The following UBE2E3 variants were observed in gnomAD, a reference collection of about 807,000 sequenced individuals.
UBE2E3 encodes the protein ubiquitin conjugating enzyme E2 E3, also known as ubiquitin-conjugating enzyme E2 E3.
In UBE2E3, 5 loss-of-function variants were observed where a neutral mutation model predicts 23.6. The ratio of observed to expected loss-of-function variants is 0.21; its 90% confidence interval spans 0.11 to 0.44. The LOEUF (loss-of-function observed/expected upper bound fraction) is 0.44, where lower values mean the gene tolerates loss of function less well. Among genes scored for constraint, UBE2E3 ranks in the 20% least tolerant of loss-of-function variants. The pLI is 0.99. For synonymous variants in UBE2E3, 78 were observed against 87.5 expected, an observed-to-expected ratio of 0.89 and a Z score of 0.60; for missense variants, 81 against 249.8, an observed-to-expected ratio of 0.32 and a Z score of 4.55.
chr2:180,994,753 C>T (rs1258244471), intron 3 of UBE2E3, among the ~76,000 whole-genome samples: 2 of 151,896 alleles, frequency 1.3e-5, no homozygotes, highest in Non-Finnish European at 2.9e-5. Flanking sequence ...AATGGTGTAG[C>T]CTAGAAATAG....
At chr2:181,062,173 T>TA (rs1321933709) in intron 5 of UBE2E3, among the ~76,000 whole-genome samples, 5 of 150,722 alleles carry the variant, frequency 3.3e-5, no homozygotes, top group African/African-American at 1.2e-4. Context: ...GGAAGGAAGA[T>TA]AGTTTTTTTT....
intron 3 of UBE2E3, among the ~76,000 whole-genome samples, chr2:181,004,648 G>A (rs907440484): frequency 6.6e-6 from 1 of 151,948 alleles, no homozygotes; most frequent in African/African-American, 2.4e-5. Flanking sequence ...AAAAAGAATT[G>A]CGTTAAGTAA....
Position 181,062,852 on chromosome 2 carries a change from G to A in UBE2E3, c.588G>A (p.Arg196=). 6.2e-7 allele frequency: 1 copy of A among 1,608,578 alleles called. No homozygotes were observed. Among genetic ancestry groups the A allele is most frequent in the African/African-American group, 1.3e-5 (1 of 74,602 alleles). The stretch of plus-strand genomic sequence containing the variant: ...TGACCAACAGAGCAGAACACGACAG[G>A]ATAGCCAGACAGTGGACCAAGAGAT... ...QYLTNRAEHD[R]IARQWTKRYA... is the part of the protein sequence containing the mutation. The change falls in exon 6 of 6, where the codon AGG becomes AGA. Residue 196 remains arginine (R), a synonymous_variant. Transcript: ENST00000410062.
chr2:181,019,341 G>T (rs907071567), intron 3 of UBE2E3, among the ~76,000 whole-genome samples: 29 of 152,308 alleles, frequency 1.9e-4, no homozygotes, highest in African/African-American at 7.0e-4. Context: ...TTCAGCCGGT[G>T]CTCAAAATGT....
chr2:181,006,825 C>G (rs1354314036), intron 3 of UBE2E3, among the ~76,000 whole-genome samples: 2 of 152,130 alleles, frequency 1.3e-5, no homozygotes, highest in Non-Finnish European at 2.9e-5. Context: ...TCCTCTGATA[C>G]TTCAGAGAAG....
At chr2:181,008,541 C>T (rs1244625206) in intron 3 of UBE2E3, among the ~76,000 whole-genome samples, 1 of 152,196 alleles carries the variant, frequency 6.6e-6, no homozygotes, top group Non-Finnish European at 1.5e-5. Flanking sequence ...TGGATATATA[C>T]AGCAGTCCTG....
intron 3 of UBE2E3, among the ~76,000 whole-genome samples, chr2:181,040,938 C>T (rs1686471809): frequency 6.6e-6 from 1 of 152,044 alleles, no homozygotes; most frequent in African/African-American, 2.4e-5. Context: ...TGCTTCAGCA[C>T]ATTTCCTTTT....
At chr2:181,006,032 G>A (rs184634780) in intron 3 of UBE2E3, among the ~76,000 whole-genome samples, 34 of 152,280 alleles carry the variant, frequency 2.2e-4, no homozygotes, top group Non-Finnish European at 4.9e-4. Flanking sequence ...CTAAGGACTG[G>A]GAGGCTGTCA....
chr2:181,029,997 C>G (rs1196219316), intron 3 of UBE2E3, among the ~76,000 whole-genome samples: 1 of 151,886 alleles, frequency 6.6e-6, no homozygotes, highest in Non-Finnish European at 1.5e-5. Context: ...CCATGCCTGG[C>G]TAATTTTTGT....
intron 3 of UBE2E3, among the ~76,000 whole-genome samples, chr2:180,992,374 C>T (rs546952152): frequency 3.1e-4 from 47 of 152,198 alleles, no homozygotes; most frequent in African/African-American, 1.0e-3. Flanking sequence ...TTTTGCCTTG[C>T]ATTATTTAAG....
intron 3 of UBE2E3, among the ~76,000 whole-genome samples, chr2:181,050,143 G>A (rs944413610): frequency 6.6e-6 from 1 of 151,824 alleles, no homozygotes; most frequent in African/African-American, 2.4e-5. Context: ...CAAATTTTAG[G>A]AAAAGAATCC....
At chr2:181,060,533 A>G (rs1687115980) in intron 4 of UBE2E3, 132 bp from the exon 5 acceptor site, 4 of 997,174 alleles carry the variant, frequency 4.0e-6, no homozygotes, top group Admixed American at 3.6e-5. Context: ...TTGTTATTAA[A>G]CCTAATCTAA....
At chr2:181,007,092 C>G (rs1335711207) in intron 3 of UBE2E3, among the ~76,000 whole-genome samples, 1 of 152,108 alleles carries the variant, frequency 6.6e-6, no homozygotes, top group African/African-American at 2.4e-5. Context: ...GTTCTTCCAC[C>G]TCCTTTGACC....
chr2:180,999,126 C>T (rs189906104), intron 3 of UBE2E3, among the ~76,000 whole-genome samples: 35 of 152,168 alleles, frequency 2.3e-4, no homozygotes, highest in Non-Finnish European at 4.7e-4. Context: ...TCTAATCTCA[C>T]TGATGAACAA....
At chr2:181,031,323 A>G (rs932402149) in intron 3 of UBE2E3, among the ~76,000 whole-genome samples, 1 of 152,194 alleles carries the variant, frequency 6.6e-6, no homozygotes, top group Non-Finnish European at 1.5e-5. Flanking sequence ...CTGGTTGTCA[A>G]AAACAAGATA....
chr2:181,028,745 A>AG (rs1685978385), intron 3 of UBE2E3, among the ~76,000 whole-genome samples: 1 of 151,854 alleles, frequency 6.6e-6, no homozygotes, highest in South Asian at 2.1e-4. Flanking sequence ...TTGTTTTATT[A>AG]GGGGTTCTTA....
At chr2:180,981,108 G>T (rs1368919305) in intron 1 of UBE2E3, 135 bp downstream of exon 1, 1 of 146,568 alleles carries the variant, frequency 6.8e-6, no homozygotes, top group Non-Finnish European at 1.5e-5. Flanking sequence ...CGGCGGGGCC[G>T]GCTGGGCTGC....
chr2:181,023,133 C>T (rs1014237988), intron 3 of UBE2E3, among the ~76,000 whole-genome samples: 19 of 152,186 alleles, frequency 1.2e-4, no homozygotes, highest in Admixed American at 8.5e-4. Context: ...AGTGGGGCCG[C>T]GCCCCAATAA....
chr2:181,021,556 CT>C (rs1559124255), intron 3 of UBE2E3, among the ~76,000 whole-genome samples: 14 of 92,626 alleles, frequency 1.5e-4, no homozygotes, highest in East Asian at 8.1e-4. Context: ...AATATACTCC[CT>C]TCCTTCCTTC....
Sources: gnomAD v4.1 joint callset for allele counts (sites outside exome capture counted in the v4.1 genomes callset) on GRCh38, gnomAD v4.1.1 for gene constraint, MANE v1.5 for transcripts, NCBI Gene and HGNC (gene_info 2026-07-23, HGNC 2026-07-21) for gene names.